The following COL19A1 variants were observed in gnomAD, a reference collection of about 807,000 sequenced individuals.
The protein encoded by COL19A1 is collagen alpha-1(XIX) chain.
Under a neutral mutation model 190.2 loss-of-function variants are expected in COL19A1, and 159 were observed. That is an observed-to-expected ratio of 0.84 (90% CI 0.73 to 0.95). COL19A1 has a LOEUF of 0.95. COL19A1 is among the 40% of genes least tolerant of loss of function. COL19A1 has a pLI of 0.00. For synonymous variants in COL19A1, 509 were observed against 458.9 expected, an observed-to-expected ratio of 1.11 and a Z score of -1.39; for missense variants, 1,418 against 1,431.9, an observed-to-expected ratio of 0.99 and a Z score of 0.16.
At chr6:70,057,764 T>C (rs1780586906) in intron 14 of COL19A1, among the ~76,000 whole-genome samples, 2 of 152,106 alleles carry the variant, frequency 1.3e-5, no homozygotes, top group African/African-American at 4.8e-5. Context: ...TGGATTATTT[T>C]GGTATCAAGT....
intron 11 of COL19A1, among the ~76,000 whole-genome samples, chr6:70,000,829 T>C (rs1439536648): frequency 6.6e-6 from 1 of 152,216 alleles, no homozygotes; most frequent in Non-Finnish European, 1.5e-5. Context: ...GCCTGTTCAC[T>C]CTGATGATAG....
intron 11 of COL19A1, among the ~76,000 whole-genome samples, chr6:70,023,388 G>A (rs1300470855): frequency 1.3e-5 from 2 of 152,080 alleles, no homozygotes; most frequent in Middle Eastern, 3.4e-3. Context: ...CACCGGCCTC[G>A]GCCTCCCAAA....
At chr6:70,183,092 A>G (rs527994364) in intron 44 of COL19A1, among the ~76,000 whole-genome samples, 1 of 152,050 alleles carries the variant, frequency 6.6e-6, no homozygotes, top group Non-Finnish European at 1.5e-5. Context: ...AAAATGTGTG[A>G]AAGAGTACTT....
chr6:70,199,641 T>A lies in COL19A1; in HGVS notation c.3128T>A (p.Leu1043Gln), dbSNP rs767568205. The A allele has an allele frequency of 1.9e-6, 3 of 1,605,878 alleles. No individual in the cohort carries two copies. The Admixed American group carries it at 5.0e-5, about 27-fold the overall frequency. Reference sequence around the variant, plus strand: ...GCTGTATTCCTATCCCAGCTCAAGCTGCCAGCAGCAATGTTGGCTGCCCAA... The same window carrying A: ...GCTGTATTCCTATCCCAGCTCAAGCAGCCAGCAGCAATGTTGGCTGCCCAA... Reference protein sequence around the residue: ...RMAVFLSQLKLPAAMLAAQAY... With the variant: ...RMAVFLSQLKQPAAMLAAQAY... The change falls in exon 49 of 51, where the codon CTG becomes CAG. Residue 1043 changes from leucine (L) to glutamine (Q), a missense_variant. Physicochemically the swap from Leu to Gln is moderately radical, Grantham distance 113. Transcript: ENST00000620364.
Position 70,207,367 on chromosome 6 carries a change from T to TC in COL19A1, c.*93_*94insC. 1 of 775,368 alleles carries TC rather than the reference T, an allele frequency of 1.3e-6. No individual in the cohort carries two copies. Among genetic ancestry groups the TC allele is most frequent in the East Asian group, 5.7e-5 (1 of 17,462 alleles). The allele number at this position is 775,368 out of a possible 1,614,324, so 48.0% of individuals were successfully genotyped here. On this transcript the variant is annotated 3_prime_UTR_variant, in exon 51 of 51. Coordinates refer to ENST00000620364, the MANE Select transcript of COL19A1 (RefSeq NM_001858.6). The stretch of plus-strand genomic sequence containing the variant: ...AACCCTCATCATCTGTGGGTTGCTT[T>TC]TTTTTTTTTTTTTTTTTTTTGGGAG...
chr6:69,941,837 C>T (rs1033405747), intron 9 of COL19A1, among the ~76,000 whole-genome samples: 3 of 151,914 alleles, frequency 2.0e-5, no homozygotes, highest in East Asian at 1.9e-4. Context: ...TACAGGCACC[C>T]GCCATCATGC....
At chr6:69,921,110 TACATATATATCACATATGTATC>T (rs1209404038) in intron 4 of COL19A1, among the ~76,000 whole-genome samples, 4 of 119,112 alleles carry the variant, frequency 3.4e-5, no homozygotes, top group Admixed American at 1.1e-4. Flanking sequence ...TATATTCATA[TACATATATATCACATATGTATC>T]ACATATATAT....
At chr6:70,167,760 C>T (rs1185229141) in intron 37 of COL19A1, among the ~76,000 whole-genome samples, 1 of 152,164 alleles carries the variant, frequency 6.6e-6, no homozygotes, top group Non-Finnish European at 1.5e-5. Flanking sequence ...ATCTGTCAAA[C>T]CTGAACATTA....
intron 11 of COL19A1, among the ~76,000 whole-genome samples, chr6:69,991,040 C>T (rs973631770): frequency 6.6e-6 from 1 of 151,968 alleles, no homozygotes; most frequent in African/African-American, 2.4e-5. Context: ...TCTGATCCTC[C>T]TCCCACTCTC....
chr6:69,917,317 G>A (rs1285340474), intron 4 of COL19A1, among the ~76,000 whole-genome samples: 1 of 152,156 alleles, frequency 6.6e-6, no homozygotes, highest in East Asian at 1.9e-4. Flanking sequence ...ATATAGCACA[G>A]TCTCATAAGG....
intron 46 of COL19A1, 53 bp downstream of exon 46, chr6:70,184,968 C>G: frequency 1.3e-6 from 2 of 1,545,618 alleles, no homozygotes; most frequent in East Asian, 4.5e-5. Context: ...TACAACTGTC[C>G]CATCATTTGA....
chr6:69,926,876 A>G (rs1460556305), intron 4 of COL19A1, among the ~76,000 whole-genome samples: 2 of 152,154 alleles, frequency 1.3e-5, no homozygotes, highest in East Asian at 3.8e-4. Flanking sequence ...AGAGAGAAGT[A>G]GTTAACCAAA....
intron 14 of COL19A1, among the ~76,000 whole-genome samples, chr6:70,055,706 T>C (rs377164573): frequency 6.7e-6 from 1 of 149,492 alleles, no homozygotes; most frequent in African/African-American, 2.5e-5. Flanking sequence ...CACTTGAACT[T>C]GGGAGGCAGA....
intron 19 of COL19A1, among the ~76,000 whole-genome samples, chr6:70,139,769 G>C (rs539299745): frequency 6.6e-6 from 1 of 152,108 alleles, no homozygotes; most frequent in East Asian, 1.9e-4. Flanking sequence ...ACACATCAGA[G>C]CTAAAATATA....
chr6:70,098,918 A>G (rs1783451539), intron 15 of COL19A1, among the ~76,000 whole-genome samples: 1 of 151,806 alleles, frequency 6.6e-6, no homozygotes, highest in African/African-American at 2.4e-5. Flanking sequence ...TATTGTGTTG[A>G]TAGAAATTGC....
In COL19A1 at chr6:70,180,618, A is replaced by G. The variant is rs1016796455; in HGVS notation, c.2775+95A>G. ...CCTCAGAAATTCTGAGATTTGAATA[A>G]GCAGTTTCCAAGGAGTAAGAAGAAT... is the stretch of plus-strand genomic sequence containing the variant. On this transcript the variant is annotated intron_variant, in intron 44 of 50. Coordinates refer to ENST00000620364, the MANE Select transcript of COL19A1 (RefSeq NM_001858.6). 9.7e-6 allele frequency: 13 copies of G among 1,338,134 alleles called. No homozygotes were observed. The East Asian group carries it at 3.1e-4, about 32-fold the overall frequency. 82.9% of individuals were successfully genotyped at this position (1,338,134 alleles called of 1,614,324 possible). A position where few individuals can be genotyped will look rare whatever the true frequency, so the allele number is the denominator to read the frequency against.
At chr6:69,945,973 G>A (rs1582484770) in intron 9 of COL19A1, among the ~76,000 whole-genome samples, 1 of 151,910 alleles carries the variant, frequency 6.6e-6, no homozygotes, top group East Asian at 1.9e-4. Flanking sequence ...CCTTGCACCT[G>A]TTTTTCCATC....
chr6:70,010,745 T>C (rs1330010769), intron 11 of COL19A1, among the ~76,000 whole-genome samples: 1 of 131,440 alleles, frequency 7.6e-6, no homozygotes, highest in Admixed American at 7.4e-5. Context: ...AGCACAGCAG[T>C]CTGAGATCAA....
chr6:70,140,230 T>A (rs910188035), intron 19 of COL19A1, among the ~76,000 whole-genome samples: 1 of 152,044 alleles, frequency 6.6e-6, no homozygotes, highest in African/African-American at 2.4e-5. Context: ...CTATTTTTAT[T>A]TGCATATCAC....
Sources: gnomAD v4.1 joint callset for allele counts (sites outside exome capture counted in the v4.1 genomes callset) on GRCh38, gnomAD v4.1.1 for gene constraint, MANE v1.5 for transcripts, NCBI Gene and HGNC (gene_info 2026-07-23, HGNC 2026-07-21) for gene names.